Variants in FRMPD4 observed in about 807,000 individuals in gnomAD.
FRMPD4 encodes FERM and PDZ domain-containing protein 4.
Under a neutral mutation model 94.1 loss-of-function variants are expected in FRMPD4, and 22 were observed. That is an observed-to-expected ratio of 0.23 (90% confidence interval 0.17 to 0.33). The LOEUF (loss-of-function observed/expected upper bound fraction) is 0.33, where lower values mean the gene tolerates loss of function less well. Among genes scored for constraint, FRMPD4 ranks in the 10% least tolerant of loss-of-function variants. The pLI, the probability that FRMPD4 is intolerant of heterozygous loss-of-function variation, is 1.00. For missense variants in FRMPD4, 1,111 were observed against 1,339.9 expected (o/e 0.83, Z 2.67); for synonymous variants, 631 against 548.6 (o/e 1.15, Z -2.10).
At chrX:12,482,475 T>A (rs2057698480) in intron 1 of FRMPD4, among the ~76,000 whole-genome samples, 2 of 111,592 alleles carry the variant, frequency 1.8e-5, no homozygotes, top group Admixed American at 1.9e-4. Context: ...CAGATATGGA[T>A]GTGATCCCTA....
intron 3 of FRMPD4, among the ~76,000 whole-genome samples, chrX:12,105,284 T>C (rs16986692): frequency 0.06 from 6,771 of 112,120 alleles, 485 homozygotes; most frequent in African/African-American, 0.21. Flanking sequence ...AGCATCATGT[T>C]ACTCTCTTGT....
chrX:12,690,039 C>CT (rs1254984697), intron 7 of FRMPD4, among the ~76,000 whole-genome samples, 156 bp from the exon 8 acceptor site: 1 of 112,533 alleles, frequency 8.9e-6, no homozygotes, highest in Non-Finnish European at 1.9e-5. Context: ...ATTTCTGCAT[C>CT]TTTTTGGATA....
Position 12,473,374 on chromosome X carries a change from A to C in FRMPD4, c.42-25306A>C, listed in dbSNP as rs750154212. ...ACTGCAAAAACATGCCAAATTGTAAAGACCATCAAGGCTAGGAAGGAACTG... is the reference window on the plus strand; with the variant it reads ...ACTGCAAAAACATGCCAAATTGTAACGACCATCAAGGCTAGGAAGGAACTG... On this transcript the variant is annotated intron_variant, in intron 1 of 16. Coordinates refer to ENST00000675598, the MANE Select transcript of FRMPD4 (RefSeq NM_001368397.1). 2.7e-5 allele frequency among the ~76,000 whole-genome samples: 3 copies of C among 110,297 alleles called. No individual in the cohort carries two copies. The East Asian group carries it at 8.4e-4, about 31-fold the overall frequency.
At chrX:11,829,833 A>T (rs918418991) in intron 1 of FRMPD4, among the ~76,000 whole-genome samples, 1 of 112,164 alleles carries the variant, frequency 8.9e-6, no homozygotes, top group Non-Finnish European at 1.9e-5. Flanking sequence ...ATCTCAGTTT[A>T]AAATACAGGG....
chrX:12,309,058 G>A (rs185317691), intron 1 of FRMPD4, among the ~76,000 whole-genome samples: 33 of 112,358 alleles, frequency 2.9e-4, no homozygotes, highest in Admixed American at 9.4e-4. Context: ...CAAGCTTTGC[G>A]GGCTATATAA....
intron 3 of FRMPD4, among the ~76,000 whole-genome samples, chrX:12,008,268 T>G (rs1569141620): frequency 9.0e-6 from 1 of 111,314 alleles, no homozygotes; most frequent in Non-Finnish European, 1.9e-5. Context: ...TTGGCCAGAG[T>G]CACGTGGGCA....
intron 1 of FRMPD4, among the ~76,000 whole-genome samples, chrX:12,364,376 A>G (rs2056042730): frequency 9.0e-6 from 1 of 111,180 alleles, no homozygotes; most frequent in South Asian, 3.8e-4. Flanking sequence ...TTTTCATGGG[A>G]AGGAACAGGT....
intron 3 of FRMPD4, among the ~76,000 whole-genome samples, chrX:12,117,911 C>T (rs2055422517): frequency 8.9e-6 from 1 of 111,913 alleles, no homozygotes; most frequent in Non-Finnish European, 1.9e-5. Context: ...AATCATTTTG[C>T]TTCCCGAGCA....
intron 1 of FRMPD4, among the ~76,000 whole-genome samples, chrX:12,378,813 C>T (rs934412317): frequency 2.7e-5 from 3 of 111,946 alleles, no homozygotes; most frequent in African/African-American, 9.8e-5. Flanking sequence ...CCCAAGTACT[C>T]AGAACTTTAT....
At chrX:12,517,419 C>A (rs1269557554) in intron 2 of FRMPD4, among the ~76,000 whole-genome samples, 1 of 112,680 alleles carries the variant, frequency 8.9e-6, no homozygotes, top group Admixed American at 9.3e-5. Context: ...GTTGTTGTTA[C>A]TTTCTGTTTG....
chrX:12,684,990 C>T (rs1348253078), intron 6 of FRMPD4, among the ~76,000 whole-genome samples: 1 of 111,811 alleles, frequency 8.9e-6, no homozygotes, highest in African/African-American at 3.3e-5. Flanking sequence ...TCCAGTTTAC[C>T]CTTGCTCTTC....
At chrX:12,561,623 T>G (rs1241486842) in intron 2 of FRMPD4, among the ~76,000 whole-genome samples, 1 of 112,432 alleles carries the variant, frequency 8.9e-6, no homozygotes, top group Non-Finnish European at 1.9e-5. Flanking sequence ...TATAAAGTAG[T>G]TTGTGATGTG....
chrX:12,195,689 A>T (rs941829389), intron 1 of FRMPD4, among the ~76,000 whole-genome samples: 6 of 111,730 alleles, frequency 5.4e-5, no homozygotes, highest in Admixed American at 1.9e-4. Flanking sequence ...TTGTGTAGGG[A>T]ACTTTTCAGA....
intron 1 of FRMPD4, among the ~76,000 whole-genome samples, chrX:12,412,990 C>A (rs2056754462): frequency 9.2e-6 from 1 of 108,756 alleles, no homozygotes; most frequent in African/African-American, 3.4e-5. Flanking sequence ...AAAAAAAAAA[C>A]ACACATTTAT....
chrX:12,460,518 G>A (rs919016889), intron 1 of FRMPD4, among the ~76,000 whole-genome samples: 1 of 111,942 alleles, frequency 8.9e-6, no homozygotes, highest in African/African-American at 3.2e-5. Context: ...TTTGCCCATT[G>A]AATTACCATG....
intron 1 of FRMPD4, among the ~76,000 whole-genome samples, chrX:12,334,419 T>C (rs2055483271): frequency 1.8e-5 from 2 of 111,461 alleles, no homozygotes; most frequent in African/African-American, 6.5e-5. Flanking sequence ...CAGTGTTCCC[T>C]AATATGGGCA....
At chrX:12,005,374 C>G (rs1406729154) in intron 3 of FRMPD4, among the ~76,000 whole-genome samples, 3 of 107,900 alleles carry the variant, frequency 2.8e-5, no homozygotes, top group African/African-American at 1.0e-4. Flanking sequence ...ATCACAGACA[C>G]CCGATGTTGG....
chrX:12,038,339 T>C (rs2054731305), intron 3 of FRMPD4, among the ~76,000 whole-genome samples: 1 of 112,249 alleles, frequency 8.9e-6, no homozygotes, highest in African/African-American at 3.2e-5. Context: ...AAGAGATGTA[T>C]AGTAATCTAA....
intron 3 of FRMPD4, among the ~76,000 whole-genome samples, chrX:11,988,577 C>A (rs2054446218): frequency 9.0e-6 from 1 of 110,587 alleles, no homozygotes; most frequent in African/African-American, 3.3e-5. Flanking sequence ...GCACAGGCAA[C>A]AACCAAAGCA....
Sources: allele counts gnomAD v4.1 joint callset (sites outside exome capture counted in the v4.1 genomes callset), GRCh38; gene constraint gnomAD v4.1.1; transcripts MANE v1.5; gene names NCBI Gene and HGNC (gene_info 2026-07-23, HGNC 2026-07-21).